KLHL2: variants seen among roughly 807,000 people sequenced by gnomAD.
KLHL2 encodes kelch like family member 2.
A neutral mutation model predicts 75.8 loss-of-function variants in KLHL2; 15 were observed. That is an observed-to-expected ratio of 0.20 (90% CI 0.13 to 0.30). The LOEUF is 0.30. KLHL2 is among the 10% of genes least tolerant of loss of function. KLHL2 has a pLI of 1.00. For synonymous variants in KLHL2, 214 were observed against 251.9 expected, an observed-to-expected ratio of 0.85 and a Z score of 1.42; for missense variants, 381 against 741.0, an observed-to-expected ratio of 0.51 and a Z score of 5.64.
At chr4:165,264,739 T>TATAC (rs1560784094) in intron 5 of KLHL2, among the ~76,000 whole-genome samples, 2 of 60,594 alleles carry the variant, frequency 3.3e-5, no homozygotes, top group East Asian at 5.8e-4. Context: ...TATATATATA[T>TATAC]GTATATATAT....
intron 5 of KLHL2, among the ~76,000 whole-genome samples, chr4:165,275,097 GATTT>G (rs869037737): frequency 8.3e-6 from 1 of 120,202 alleles, no homozygotes; most frequent in Admixed American, 8.3e-5. Context: ...ACTCCTGAAA[GATTT>G]ATTTTATTTT....
intron 5 of KLHL2, among the ~76,000 whole-genome samples, chr4:165,283,407 T>C (rs1743843088): frequency 6.6e-6 from 1 of 152,156 alleles, no homozygotes; most frequent in Admixed American, 6.5e-5. Context: ...AAGCATTGGG[T>C]AAATACAGCC....
At chr4:165,287,387 T>C (rs1455708329) in intron 5 of KLHL2, among the ~76,000 whole-genome samples, 1 of 152,222 alleles carries the variant, frequency 6.6e-6, no homozygotes, top group African/African-American at 2.4e-5. Flanking sequence ...CAATTTCATT[T>C]ATCCATTCAT....
chr4:165,277,238 T>C (rs1221352787), intron 5 of KLHL2, among the ~76,000 whole-genome samples: 1 of 152,112 alleles, frequency 6.6e-6, no homozygotes, highest in African/African-American at 2.4e-5. Context: ...GGCATATATG[T>C]TATACATACA....
chr4:165,263,802 ATTGTTTTTTTTTTTTT>A (rs1458064877), intron 5 of KLHL2, among the ~76,000 whole-genome samples: 78 of 93,556 alleles, frequency 8.3e-4, no homozygotes, highest in African/African-American at 2.7e-3. Context: ...GATTTTTTAC[ATTGTTTTTTTTTTTTT>A]TTTTTTTTTT....
At position 165,279,297 on chromosome 4, in the gene KLHL2, G is replaced by A. The variant is rs1266113987; in HGVS notation, c.545-15062G>A. On this transcript the variant is annotated intron_variant, in intron 5 of 14. Coordinates refer to ENST00000226725, the MANE Select transcript of KLHL2 (RefSeq NM_007246.4). ...CTCTCAACGGTAGACTGTGTTCTTA[G>A]ATCAAGCCACACCACAGCATTGTAG... is the stretch of plus-strand genomic sequence containing the variant. The A allele has an allele frequency of 3.2e-6, 5 of 1,549,246 alleles. No homozygotes were observed. In the African/African-American group the frequency reaches 4.1e-5, roughly 13 times the overall value.
intron 2 of KLHL2, among the ~76,000 whole-genome samples, chr4:165,228,032 C>T (rs200993777): frequency 1.9e-4 from 27 of 138,672 alleles, no homozygotes; most frequent in Admixed American, 2.2e-4. Flanking sequence ...TCAGTAGCTG[C>T]GATCATAGGT....
chr4:165,280,419 CT>C (rs1287707450), intron 5 of KLHL2, among the ~76,000 whole-genome samples: 1 of 152,208 alleles, frequency 6.6e-6, no homozygotes, highest in African/African-American at 2.4e-5. Flanking sequence ...CTAGGAATCA[CT>C]GCTTGGAATA....
At chr4:165,259,068 C>T (rs1281183181) in intron 4 of KLHL2, among the ~76,000 whole-genome samples, 1 of 151,514 alleles carries the variant, frequency 6.6e-6, no homozygotes, top group Non-Finnish European at 1.5e-5. Flanking sequence ...TGGAAAATAA[C>T]TTAAAAAAAT....
intron 10 of KLHL2, 64 bp from the exon 11 acceptor site, chr4:165,311,400 C>A: frequency 8.7e-7 from 1 of 1,147,010 alleles, no homozygotes; most frequent in Non-Finnish European, 1.3e-6. Context: ...AAGTATTTTT[C>A]CATATATATG....
At chr4:165,313,817 CT>C (rs954871934) in intron 12 of KLHL2, among the ~76,000 whole-genome samples, 1 of 152,094 alleles carries the variant, frequency 6.6e-6, no homozygotes, top group African/African-American at 2.4e-5. Context: ...TGACATGCCT[CT>C]TTTTTCAGAA....
At chr4:165,218,843 A>G (rs1352420228) in intron 1 of KLHL2, among the ~76,000 whole-genome samples, 1 of 152,262 alleles carries the variant, frequency 6.6e-6, no homozygotes, top group Non-Finnish European at 1.5e-5. Context: ...GTTCTTTGAT[A>G]TATATACAAG....
At chr4:165,314,292 ACT>A in intron 13 of KLHL2, 126 bp downstream of exon 13, 1 of 826,128 alleles carries the variant, frequency 1.2e-6, no homozygotes, top group East Asian at 2.8e-5. Flanking sequence ...TCCCTGATAG[ACT>A]CTGAACTCTT....
rs191046473 is a variant in KLHL2 at position 165,255,951 on chromosome 4, A to G, written c.382-7246A>G. ...TAATGGCTCAGGATTTAAAAGACAT[A>G]CTACATAAATTATTTCCCCCTATGG... is the stretch of plus-strand genomic sequence containing the variant. On this transcript the variant is annotated intron_variant, in intron 4 of 14. Coordinates refer to ENST00000226725, the MANE Select transcript of KLHL2 (RefSeq NM_007246.4). Among the ~76,000 whole-genome samples the G allele has an allele frequency of 2.9e-4, 44 of 152,266 alleles. 1 individual carries two copies. The East Asian group carries it at 8.5e-3, about 29-fold the overall frequency.
intron 5 of KLHL2, among the ~76,000 whole-genome samples, chr4:165,276,152 C>T (rs1388687804): frequency 1.3e-5 from 2 of 151,976 alleles, no homozygotes; most frequent in Non-Finnish European, 2.9e-5. Context: ...AAAAAGAAGT[C>T]CTCCAGTTAC....
chr4:165,224,296 T>C (rs1738254107), intron 2 of KLHL2, among the ~76,000 whole-genome samples: 2 of 152,090 alleles, frequency 1.3e-5, no homozygotes, highest in Non-Finnish European at 2.9e-5. Context: ...ACAATTTCAA[T>C]GAGTATTAGT....
At chr4:165,240,549 T>G (rs1390042442) in intron 4 of KLHL2, 2 of 152,256 alleles carry the variant, frequency 1.3e-5, no homozygotes, top group East Asian at 1.9e-4. Context: ...TTTTTTTTTT[T>G]TTTAACATGG....
intron 3 of KLHL2, among the ~76,000 whole-genome samples, chr4:165,236,492 C>G (rs1739358011): frequency 6.6e-6 from 1 of 152,128 alleles, no homozygotes; most frequent in African/African-American, 2.4e-5. Flanking sequence ...GCTGGGATTA[C>G]AGGAGTGAGC....
Position 165,322,330 on chromosome 4 carries a change from T to C in KLHL2, c.*270T>C, listed in dbSNP as rs1252145929. 3 of 392,178 alleles carry C rather than the reference T, an allele frequency of 7.6e-6. No individual in the cohort carries two copies. The highest frequency in any genetic ancestry group is 8.6e-5 in the East Asian group (2 of 23,202). 24.3% of individuals were successfully genotyped at this position (392,178 alleles called of 1,614,324 possible). A position where few individuals can be genotyped will look rare whatever the true frequency, so the allele number is the denominator to read the frequency against. ...TTAATCTGTAGTCTTTAGACAACAG[T>C]TGCTTTCATAAAGACTAGTTCTTAT... On this transcript the variant is annotated 3_prime_UTR_variant, in exon 15 of 15. Transcript: ENST00000226725.
Sources: gnomAD v4.1 joint callset for allele counts (sites outside exome capture counted in the v4.1 genomes callset) on GRCh38, gnomAD v4.1.1 for gene constraint, MANE v1.5 for transcripts, NCBI Gene and HGNC (gene_info 2026-07-23, HGNC 2026-07-21) for gene names.